The following CC2D1B variants were observed in gnomAD, a reference collection of about 807,000 sequenced individuals.
CC2D1B encodes coiled-coil and C2 domain-containing protein 1B.
Under a neutral mutation model 110.8 loss-of-function variants are expected in CC2D1B, and 92 were observed. The ratio of observed to expected loss-of-function variants is 0.83; its 90% CI spans 0.70 to 0.99. The LOEUF (loss-of-function observed/expected upper bound fraction) is 0.99. Ranked by LOEUF, CC2D1B falls within the 50% of genes least tolerant of loss-of-function variation. The probability of loss-of-function intolerance (pLI) is 0.00; values close to 1 mark genes in which losing one functional copy is unlikely to be tolerated. For synonymous variants in CC2D1B, 406 were observed against 429.2 expected (o/e 0.95, Z 0.67); for missense variants, 1,136 against 1,089.0 (o/e 1.04, Z -0.61).
chr1:52,357,996 C>T lies in CC2D1B; in HGVS notation c.1462-98G>A, dbSNP rs80163593. Reference sequence around the variant, plus strand: ...CTGTCTTCCTAACACTGTACTACATCGCTGTGTGACCTGAGATGGGTGGCT... The same window carrying T: ...CTGTCTTCCTAACACTGTACTACATTGCTGTGTGACCTGAGATGGGTGGCT... On this transcript the variant is annotated intron_variant, in intron 13 of 24. Coordinates refer to ENST00000284376, the MANE Select transcript of CC2D1B (RefSeq NM_001330585.2). 802 of 1,470,956 alleles carry T rather than the reference C, an allele frequency of 5.5e-4. 2 individuals carry two copies. In the African/African-American group the frequency reaches 9.0e-3, roughly 17 times the overall value. 91.1% of individuals were successfully genotyped at this position (1,470,956 alleles called of 1,614,324 possible).
chr1:52,355,442 G>A lies in CC2D1B; in HGVS notation c.2195C>T (p.Ala732Val), dbSNP rs766321768. The stretch of plus-strand genomic sequence containing the variant: ...CACCACAGCTGTTTTGCTTTTTTGA[G>A]CCTGGTCCTAAGCAGTGAGGAGGGA... ...FEFHYPNSDQ[A>V]QKSKTAVVKN... The change falls in exon 21 of 25, where the codon GCT becomes GTT. Residue 732 changes from alanine to valine, a missense_variant. Coordinates refer to ENST00000284376, the MANE Select transcript of CC2D1B (RefSeq NM_001330585.2). 1 of 1,614,126 alleles carries A rather than the reference G, an allele frequency of 6.2e-7. No homozygotes were observed. Among genetic ancestry groups the A allele is most frequent in the South Asian group, 1.1e-5 (1 of 91,084 alleles).
chr1:52,354,826 G>T lies in CC2D1B; in HGVS notation c.2339+14C>A. 1.2e-6 allele frequency: 2 copies of T among 1,612,094 alleles called. No individual in the cohort carries two copies. Among genetic ancestry groups the T allele is most frequent in the African/African-American group, 1.3e-5 (1 of 75,038 alleles). ...TCCCGGCCCGTGTGGCAGCATGACC[G>T]ATAGGAGCCTCACCCTTTGTGGAAG... On this transcript the variant is annotated intron_variant, in intron 22 of 24. Coordinates refer to ENST00000284376, the MANE Select transcript of CC2D1B (RefSeq NM_001330585.2).
rs1646776182 is a variant in CC2D1B, at chr1:52,361,226, T to C, written c.319-94A>G. ...TAAAGGACCCTCTCTCTCAGCAATA[T>C]TCCCTAACGTCAGTCACTGTGCCTG... On this transcript the variant is annotated intron_variant, in intron 4 of 24. Coordinates refer to ENST00000284376, the MANE Select transcript of CC2D1B (RefSeq NM_001330585.2). The C allele has an allele frequency of 6.1e-5, 88 of 1,450,628 alleles. 2 individuals are homozygous for C. In the South Asian group the frequency reaches 9.9e-4, roughly 16 times the overall value. The allele number at this position is 1,450,628 out of a possible 1,614,324, so 89.9% of individuals were successfully genotyped here.
rs756613102 is a variant in CC2D1B, at chr1:52,360,215, C to T, written c.622G>A (p.Ala208Thr). 1.9e-6 allele frequency: 3 copies of T among 1,613,954 alleles called. No homozygotes were observed. The highest frequency in any genetic ancestry group is 2.7e-5 in the African/African-American group (2 of 74,930). ...ATCTTTCTGCCTCTCCTCACAGAGG[C>T]TAGCTGCGACTCCAAGGTCTGAGGG... is the stretch of plus-strand genomic sequence containing the variant. ...RGLKTLESQLASVRRGRKINE... is the reference protein window; with the variant it reads ...RGLKTLESQLTSVRRGRKINE... The change falls in exon 7 of 25, where the codon GCC (alanine) becomes ACC (threonine). Residue 208 changes from alanine (A) to threonine (T), a missense_variant. Ala to Thr is a moderately conservative substitution (Grantham distance 58). Transcript: ENST00000284376.
Position 52,357,621 on chromosome 1 carries a change from C to T in CC2D1B, c.1657G>A (p.Asp553Asn). The change falls in exon 15 of 25, where the codon GAC (aspartate) becomes AAC (asparagine). Residue 553 changes from aspartate to asparagine, a missense_variant. Transcript: ENST00000284376. Reference sequence around the variant, plus strand: ...AGATAGGCTTTGGCCTGCTCCAGGTCCTGGCTGCGCTTGGCCTGCAGGGCT... The same window carrying T: ...AGATAGGCTTTGGCCTGCTCCAGGTTCTGGCTGCGCTTGGCCTGCAGGGCT... ...RAALQAKRSQ[D>N]LEQAKAYLRV... is the part of the protein sequence containing the mutation. 1 of 1,592,316 alleles carries T rather than the reference C, an allele frequency of 6.3e-7. No homozygotes were observed. Among genetic ancestry groups the T allele is most frequent in the Non-Finnish European group, 8.6e-7 (1 of 1,168,804 alleles).
At position 52,353,202 on chromosome 1, in the gene CC2D1B, C is replaced by T. The variant is rs1002140891; in HGVS notation, c.*23G>A. On this transcript the variant is annotated 3_prime_UTR_variant, in exon 25 of 25. Coordinates refer to ENST00000284376, the MANE Select transcript of CC2D1B (RefSeq NM_001330585.2). ...CTCCTGCACAGTCGCGGCCTGACTC[C>T]TCTCCTGGTGCTGGCCATCGGCTAC... is the stretch of plus-strand genomic sequence containing the variant. 2 of 1,344,220 alleles carry T rather than the reference C, an allele frequency of 1.5e-6. No individual in the cohort carries two copies. The highest frequency in any genetic ancestry group is 2.0e-6 in the Non-Finnish European group (2 of 1,015,718). The allele number at this position is 1,344,220 out of a possible 1,614,324, so 83.3% of individuals were successfully genotyped here. A position where few individuals can be genotyped will look rare whatever the true frequency, so the allele number is the denominator to read the frequency against.
At chr1:52,360,364 C>T in intron 6 of CC2D1B, 60 bp downstream of exon 6, 1 of 1,600,362 alleles carries the variant, frequency 6.2e-7, no homozygotes, top group Non-Finnish European at 8.5e-7. Flanking sequence ...GTGCGATCTC[C>T]ACCAGCCGCC....
chr1:52,357,003 C>T lies in CC2D1B; in HGVS notation c.1876G>A (p.Glu626Lys). 6.4e-7 allele frequency: 1 copy of T among 1,554,192 alleles called. No individual in the cohort carries two copies. Among genetic ancestry groups the T allele is most frequent in the East Asian group, 2.4e-5 (1 of 41,206 alleles). ...QLQKMLLEQQ[E>K]KCLLFSKQFM... is the part of the protein sequence containing the mutation. Reference sequence around the variant, plus strand: ...GAACAGACGAGGGGCCTGCTGACCTCTTGTTGCTCCAGAAGCATTTTTTGC... The same window carrying T: ...GAACAGACGAGGGGCCTGCTGACCTTTTGTTGCTCCAGAAGCATTTTTTGC... The change falls in exon 16 of 25, where the codon GAG (glutamate) becomes AAG (lysine). Residue 626 changes from glutamate to lysine, a missense_variant and splice_region_variant. Transcript: ENST00000284376.
rs1646577341 is a variant in CC2D1B at position 52,353,666 on chromosome 1, G to C, written c.2431-19C>G. 1 of 1,565,890 alleles carries C rather than the reference G, an allele frequency of 6.4e-7. No individual in the cohort carries two copies. The highest frequency in any genetic ancestry group is 8.7e-7 in the Non-Finnish European group (1 of 1,153,196). On this transcript the variant is annotated intron_variant, in intron 23 of 24. Transcript: ENST00000284376. ...CCAGGACCTGTGAGGACCACAGAGA[G>C]GGAAATGGTAACTAAGGGGACAGAG...
In CC2D1B at chr1:52,356,915, C is replaced by T. The variant is rs1031940423; in HGVS notation, c.1878+86G>A. 6 of 1,439,160 alleles carry T rather than the reference C, an allele frequency of 4.2e-6. No individual in the cohort carries two copies. In the African/African-American group the frequency reaches 4.3e-5, roughly 10 times the overall value. 89.1% of individuals were successfully genotyped at this position (1,439,160 alleles called of 1,614,324 possible). ...GTGGAAGAGCTGAGAATTTTGAGTC[C>T]AGGGCTGTGTGGTCTGAGCTCCAGG... On this transcript the variant is annotated intron_variant, in intron 16 of 24. Coordinates refer to ENST00000284376, the MANE Select transcript of CC2D1B (RefSeq NM_001330585.2).
At position 52,354,636 on chromosome 1, in the gene CC2D1B, T is replaced by C. The variant is rs766423165; in HGVS notation, c.2402A>G (p.Asn801Ser). 30 of 1,614,102 alleles carry C rather than the reference T, an allele frequency of 1.9e-5. No individual in the cohort carries two copies. The South Asian group carries it at 3.1e-4, about 17-fold the overall frequency. The change falls in exon 23 of 25, where the codon AAT becomes AGT. Residue 801 changes from asparagine (N) to serine (S), a missense_variant. Physicochemically the swap from Asn to Ser is conservative, Grantham distance 46. Transcript: ENST00000284376. ...TAHLKLERLE[N>S]ECEIREIVEV... ...CACAATTTCTCTGATCTCACACTCATTCTCCAGCCGCTCCAGTTTCAGGTG... is the reference window on the plus strand; with the variant it reads ...CACAATTTCTCTGATCTCACACTCACTCTCCAGCCGCTCCAGTTTCAGGTG...
chr1:52,361,367 C>T (rs1295836867), intron 4 of CC2D1B, 146 bp downstream of exon 4: 42 of 1,412,906 alleles, frequency 3.0e-5, no homozygotes, highest in Admixed American at 6.2e-5. Context: ...CAAAGAGACA[C>T]GCCACCCACT....
At chr1:52,363,394 CAAA>C (rs60279244) in intron 2 of CC2D1B, among the ~76,000 whole-genome samples, 5 of 56,088 alleles carry the variant, frequency 8.9e-5, no homozygotes, top group Admixed American at 1.9e-4. Flanking sequence ...GACTCCGTCT[CAAA>C]AAAAAAAAAA....
rs909820427 is a variant in CC2D1B, at chr1:52,354,926, G to A, written c.2253C>T (p.Leu751=). 14 of 1,613,926 alleles carry A rather than the reference G, an allele frequency of 8.7e-6. No individual in the cohort carries two copies. Among genetic ancestry groups the A allele is most frequent in the Non-Finnish European group, 1.2e-5 (14 of 1,179,898 alleles). The change falls in exon 22 of 25, where the codon CTC becomes CTT. Residue 751 remains leucine (L), a synonymous_variant. Transcript: ENST00000284376. The stretch of plus-strand genomic sequence containing the variant: ...GGTTTCGGTTGATGTTTAGTTTGAA[G>A]AGTTGATCAAATTCTGGCAAAGGGG... ...KNTNSPEFDQ[L]FKLNINRNHR...
Position 52,355,628 on chromosome 1 carries a change from C to G in CC2D1B, c.2167G>C (p.Glu723Gln). 3 of 1,614,188 alleles carry G rather than the reference C, an allele frequency of 1.9e-6. No homozygotes were observed. The highest frequency in any genetic ancestry group is 2.5e-6 in the Non-Finnish European group (3 of 1,180,040). The change falls in exon 20 of 25, where the codon GAG becomes CAG. Residue 723 changes from glutamate to glutamine, a missense_variant. By Grantham distance (29) the Glu-to-Gln change is conservative (BLOSUM62 2). Transcript: ENST00000284376. Reference sequence around the variant, plus strand: ...CTCACCGAGTTAGGGTAGTGAAACTCAAACCGCACAAAAGCATCCAGGTCA... The same window carrying G: ...CTCACCGAGTTAGGGTAGTGAAACTGAAACCGCACAAAAGCATCCAGGTCA... The part of the protein sequence containing the change: ...PDDLDAFVRF[E>Q]FHYPNSDQAQ...
In CC2D1B at chr1:52,353,666, G is replaced by A; in HGVS notation, c.2431-19C>T. 1 of 1,565,890 alleles carries A rather than the reference G, an allele frequency of 6.4e-7. No individual in the cohort carries two copies. The highest frequency in any genetic ancestry group is 1.1e-5 in the South Asian group (1 of 86,978). Reference sequence around the variant, plus strand: ...CCAGGACCTGTGAGGACCACAGAGAGGGAAATGGTAACTAAGGGGACAGAG... The same window carrying A: ...CCAGGACCTGTGAGGACCACAGAGAAGGAAATGGTAACTAAGGGGACAGAG... On this transcript the variant is annotated intron_variant, in intron 23 of 24. Coordinates refer to ENST00000284376, the MANE Select transcript of CC2D1B (RefSeq NM_001330585.2).
At chr1:52,357,501 TG>T (rs1173441538) in intron 15 of CC2D1B, 24 bp downstream of exon 15, 11 of 1,554,130 alleles carry the variant, frequency 7.1e-6, no homozygotes, top group Non-Finnish European at 9.6e-6. Context: ...TGAGAAGTCC[TG>T]GTGGTTAACC....
Position 52,358,093 on chromosome 1 carries a change from C to G in CC2D1B, c.1462-195G>C, listed in dbSNP as rs978907371. The G allele has an allele frequency of 1.6e-5, 15 of 927,912 alleles. No individual in the cohort carries two copies. In the South Asian group the frequency reaches 2.3e-4, roughly 14 times the overall value. 57.5% of individuals were successfully genotyped at this position (927,912 alleles called of 1,614,324 possible). ...AAGCTCTCACATCTAACCTCCCCAG[C>G]AGGAGAGAGACTGCAGGGTAATGGG... On this transcript the variant is annotated intron_variant, in intron 13 of 24. Transcript: ENST00000284376.
At position 52,359,310 on chromosome 1, in the gene CC2D1B, T is replaced by C; in HGVS notation, c.1066A>G (p.Ile356Val). Reference protein sequence around the residue: ...ASQAPTAPSVIPPAVERVQPV... With the variant: ...ASQAPTAPSVVPPAVERVQPV... The stretch of plus-strand genomic sequence containing the variant: ...TGCACTCGCTCCACGGCTGGGGGAA[T>C]GACTGAGGGTGCTGTGGGAGCCTGA... The change falls in exon 10 of 25, where the codon ATT (isoleucine) becomes GTT (valine). Residue 356 changes from isoleucine (I) to valine (V), a missense_variant. Transcript: ENST00000284376. 6.2e-7 allele frequency: 1 copy of C among 1,613,410 alleles called. No homozygotes were observed.
Sources: allele counts gnomAD v4.1 joint callset (sites outside exome capture counted in the v4.1 genomes callset), GRCh38; gene constraint gnomAD v4.1.1; transcripts MANE v1.5; gene names NCBI Gene and HGNC (gene_info 2026-07-23, HGNC 2026-07-21).